The following ZC3HC1 variants were observed in gnomAD, a reference collection of about 807,000 sequenced individuals.
The protein encoded by ZC3HC1 is zinc finger C3HC-type protein 1.
A neutral mutation model predicts 61.9 loss-of-function variants in ZC3HC1; 38 were observed. The ratio of observed to expected loss-of-function variants is 0.61; its 90% CI spans 0.47 to 0.81. The LOEUF is 0.81. Among genes scored for constraint, ZC3HC1 ranks in the 30% least tolerant of loss-of-function variants. The pLI, the probability that ZC3HC1 is intolerant of heterozygous loss-of-function variation, is 0.00. For synonymous variants in ZC3HC1, 213 were observed against 229.9 expected, an observed-to-expected ratio of 0.93 and a Z score of 0.67; for missense variants, 554 against 622.7, an observed-to-expected ratio of 0.89 and a Z score of 1.17.
intron 1 of ZC3HC1, among the ~76,000 whole-genome samples, chr7:130,050,958 T>A (rs1246651837): frequency 1.3e-5 from 2 of 152,230 alleles, no homozygotes; most frequent in Non-Finnish European, 2.9e-5. Flanking sequence ...AGAAGTCAAG[T>A]GAACTCATTC....
intron 5 of ZC3HC1, among the ~76,000 whole-genome samples, chr7:130,027,843 A>C (rs1017981016): frequency 6.6e-6 from 1 of 151,854 alleles, no homozygotes; most frequent in East Asian, 2.0e-4. Context: ...AAACATTTCT[A>C]CTCACAAGGA....
At chr7:130,051,192 C>T (rs1795060800) in intron 1 of ZC3HC1, 29 bp downstream of exon 1, 1 of 1,575,248 alleles carries the variant, frequency 6.3e-7, no homozygotes, top group East Asian at 2.3e-5. Context: ...TCTTCCAACG[C>T]CGGACCCAGG....
intron 9 of ZC3HC1, among the ~76,000 whole-genome samples, chr7:130,020,094 C>T (rs1163495897): frequency 6.6e-6 from 1 of 151,720 alleles, no homozygotes; most frequent in African/African-American, 2.4e-5. Context: ...GGATTACAGG[C>T]GTGAGCCACT....
chr7:130,030,889 C>T (rs1319371730), intron 4 of ZC3HC1, among the ~76,000 whole-genome samples: 1 of 150,200 alleles, frequency 6.7e-6, no homozygotes, highest in Non-Finnish European at 1.5e-5. Context: ...AGGATGGTCT[C>T]GATCTCCTGA....
intron 9 of ZC3HC1, among the ~76,000 whole-genome samples, chr7:130,020,609 G>C (rs1793598599): frequency 6.6e-6 from 1 of 151,554 alleles, no homozygotes; most frequent in South Asian, 2.1e-4. Flanking sequence ...TTACCACACA[G>C]TCTCATTAAG....
chr7:130,027,550 G>C (rs962947315), intron 5 of ZC3HC1, among the ~76,000 whole-genome samples: 3 of 152,082 alleles, frequency 2.0e-5, no homozygotes, highest in South Asian at 4.1e-4. Context: ...ATGGAGTTTC[G>C]CTCTTGTTGC....
rs113475467 is a variant in ZC3HC1, at chr7:130,051,235, C to T, written c.132G>A (p.Glu44=). Residue 44 remains glutamate (E), a synonymous_variant, in exon 1 of 10, where the codon GAG becomes GAA. Transcript: ENST00000358303. ...QLIDEGIAPE[E]GGVDAKDTSA... is the part of the protein sequence containing the mutation. Reference sequence around the variant, plus strand: ...CGTGAACTCACGCGTCCACGCCTCCCTCTTCCGGGGCAATCCCCTCATCTA... The same window carrying T: ...CGTGAACTCACGCGTCCACGCCTCCTTCTTCCGGGGCAATCCCCTCATCTA... 7.5e-4 allele frequency: 1,209 copies of T among 1,608,328 alleles called. 13 individuals are homozygous for T. The African/African-American group carries it at 0.014, about 18-fold the overall frequency.
rs747108778 is a variant in ZC3HC1, at chr7:130,041,142, ATATGTGTGTG to A, written c.259-51_259-42del. On this transcript the variant is annotated intron_variant, in intron 2 of 9. Transcript: ENST00000358303. The stretch of plus-strand genomic sequence containing the variant: ...AAAACAACACAGCAAATATATATAT[ATATGTGTGTG>A]TATGTGTGTGTGTGTGTGTGTGTGT... The A allele has an allele frequency of 3.2e-5, 50 of 1,540,980 alleles. No individual in the cohort carries two copies. The African/African-American group carries it at 6.1e-4, about 19-fold the overall frequency.
In ZC3HC1 at chr7:130,040,321, C is replaced by T. The variant is rs188003726; in HGVS notation, c.409+630G>A. On this transcript the variant is annotated intron_variant, in intron 3 of 9. Coordinates refer to ENST00000358303, the MANE Select transcript of ZC3HC1 (RefSeq NM_016478.5). Reference sequence around the variant, plus strand: ...CATCCTGGCTAACACGGTGAAACCCCGTCTCTACTAAAAATACAAAAAATT... The same window carrying T: ...CATCCTGGCTAACACGGTGAAACCCTGTCTCTACTAAAAATACAAAAAATT... Among the ~76,000 whole-genome samples, 43 of 149,960 alleles carry T rather than the reference C, an allele frequency of 2.9e-4. 1 individual carries two copies. Among genetic ancestry groups the T allele is most frequent in the African/African-American group, 8.3e-4 (34 of 40,740 alleles).
rs377017263 is a variant in ZC3HC1 at position 130,026,224 on chromosome 7, T to C, written c.710A>G (p.Lys237Arg). ...GTGGACTTGGATGTCTGAGCCTAAT[T>C]TGATTGTAGTTTTTCTCTCATCAGT... is the stretch of plus-strand genomic sequence containing the variant. Reference protein sequence around the residue: ...HRTDERKTTIKLGSDIQVHVT... With the variant: ...HRTDERKTTIRLGSDIQVHVT... Residue 237 changes from lysine (K) to arginine (R), a missense_variant, in exon 6 of 10, where the codon AAA (lysine) becomes AGA (arginine). Lys to Arg is a conservative substitution (Grantham distance 26). Coordinates refer to ENST00000358303, the MANE Select transcript of ZC3HC1 (RefSeq NM_016478.5). 2.4e-5 allele frequency: 38 copies of C among 1,614,002 alleles called. No homozygotes were observed. Among genetic ancestry groups the C allele is most frequent in the African/African-American group, 1.3e-5 (1 of 74,926 alleles).
chr7:130,018,633 C>T lies in ZC3HC1; in HGVS notation c.*31G>A, dbSNP rs981219810. ...ATTTTTCAAAAAGTCACTCTCATTC[C>T]AGCTATCTCCAGGAAGGCGCTGGAG... On this transcript the variant is annotated 3_prime_UTR_variant, in exon 10 of 10. Transcript: ENST00000358303. 1.9e-6 allele frequency: 3 copies of T among 1,578,040 alleles called. No homozygotes were observed. The highest frequency in any genetic ancestry group is 1.7e-5 in the Admixed American group (1 of 58,280).
At chr7:130,020,833 G>A (rs1174252199) in intron 9 of ZC3HC1, among the ~76,000 whole-genome samples, 5 of 152,048 alleles carry the variant, frequency 3.3e-5, no homozygotes, top group East Asian at 1.9e-4. Flanking sequence ...AGAGAAATGC[G>A]GATTTTTTTT....
Position 130,051,283 on chromosome 7 carries a change from G to C in ZC3HC1, c.84C>G (p.Thr28=). The C allele has an allele frequency of 1.2e-6, 2 of 1,612,362 alleles. No homozygotes were observed. The highest frequency in any genetic ancestry group is 1.7e-6 in the Non-Finnish European group (2 of 1,179,214). The part of the protein sequence containing the change: ...WGAVVRSPEG[T]PQKIRQLIDE... Reference sequence around the variant, plus strand: ...CTATCAGCTGCCGGATTTTCTGGGGGGTCCCTTCTGGGGAGCGAACTACTG... The same window carrying C: ...CTATCAGCTGCCGGATTTTCTGGGGCGTCCCTTCTGGGGAGCGAACTACTG... The change falls in exon 1 of 10, where the codon ACC becomes ACG. Residue 28 remains threonine (T), a synonymous_variant. Coordinates refer to ENST00000358303, the MANE Select transcript of ZC3HC1 (RefSeq NM_016478.5).
At chr7:130,050,408 C>T (rs1584602391) in intron 1 of ZC3HC1, 1 of 1,533,392 alleles carries the variant, frequency 6.5e-7, no homozygotes, top group Non-Finnish European at 8.7e-7. Context: ...AATAGGATTA[C>T]ATCAACGATT....
At chr7:130,044,673 C>T (rs1794799541) in intron 2 of ZC3HC1, among the ~76,000 whole-genome samples, 2 of 152,066 alleles carry the variant, frequency 1.3e-5, no homozygotes. Context: ...AAAGAACTTC[C>T]CCACAAAGTA....
chr7:130,045,640 G>C (rs1051060568), intron 2 of ZC3HC1, among the ~76,000 whole-genome samples: 2 of 152,068 alleles, frequency 1.3e-5, no homozygotes, highest in African/African-American at 4.8e-5. Flanking sequence ...AGTGGCTCAC[G>C]CCTGTAATCC....
intron 3 of ZC3HC1, 103 bp downstream of exon 3, chr7:130,040,848 G>T: frequency 1.8e-6 from 2 of 1,125,556 alleles, no homozygotes; most frequent in Non-Finnish European, 2.5e-6. Flanking sequence ...ATTGAAGTAC[G>T]CATTTTTTGA....
intron 4 of ZC3HC1, among the ~76,000 whole-genome samples, chr7:130,038,868 A>AC (rs1584585767): frequency 6.6e-6 from 1 of 151,622 alleles, no homozygotes; most frequent in East Asian, 1.9e-4. Flanking sequence ...TCAAAAAAAA[A>AC]AAAAAAAAAA....
intron 1 of ZC3HC1, 31 bp from the exon 2 acceptor site, chr7:130,049,175 C>G (rs1417763720): frequency 3.9e-6 from 6 of 1,522,762 alleles, no homozygotes; most frequent in Non-Finnish European, 5.4e-6. Context: ...TGTTGGTAAA[C>G]CTTTCACAGT....
Sources: gnomAD v4.1 joint callset for allele counts (sites outside exome capture counted in the v4.1 genomes callset) on GRCh38, gnomAD v4.1.1 for gene constraint, MANE v1.5 for transcripts, NCBI Gene and HGNC (gene_info 2026-07-23, HGNC 2026-07-21) for gene names.